The following GRID2 variants were observed in gnomAD, a reference collection of about 807,000 sequenced individuals.
GRID2 encodes glutamate ionotropic receptor delta type subunit 2.
Under a neutral mutation model 114.8 loss-of-function variants are expected in GRID2, and 33 were observed. The ratio of observed to expected loss-of-function variants is 0.29; its 90% CI spans 0.22 to 0.38. GRID2 has a LOEUF of 0.38. Ranked by LOEUF, GRID2 falls within the 10% of genes least tolerant of loss-of-function variation. The pLI is 1.00. For missense variants in GRID2, 1,184 were observed against 1,257.7 expected (o/e 0.94, Z 0.89); for synonymous variants, 505 against 449.9 (o/e 1.12, Z -1.55).
chr4:92,915,450 T>A (rs1207956047), intron 2 of GRID2, among the ~76,000 whole-genome samples: 2 of 152,174 alleles, frequency 1.3e-5, no homozygotes, highest in Non-Finnish European at 2.9e-5. Context: ...GCTAGTGTAC[T>A]TATTTTGTGA....
At chr4:92,781,417 CTAAGA>C (rs907341867) in intron 2 of GRID2, among the ~76,000 whole-genome samples, 27 of 152,026 alleles carry the variant, frequency 1.8e-4, no homozygotes, top group African/African-American at 6.3e-4. Context: ...GAATCAGTAA[CTAAGA>C]TAAGTTTATA....
intron 1 of GRID2, among the ~76,000 whole-genome samples, chr4:92,526,993 T>G (rs1369893937): frequency 6.6e-6 from 1 of 152,078 alleles, no homozygotes; most frequent in African/African-American, 2.4e-5. Context: ...AGATCTCTAT[T>G]TTTAAATTGG....
chr4:93,226,539 C>T (rs995045696), intron 7 of GRID2, among the ~76,000 whole-genome samples: 25 of 152,164 alleles, frequency 1.6e-4, no homozygotes, highest in Admixed American at 8.5e-4. Context: ...GGATTGGGCC[C>T]GCAAGGCCTC....
chr4:93,475,694 G>C (rs927562015), intron 11 of GRID2, among the ~76,000 whole-genome samples: 6 of 152,054 alleles, frequency 3.9e-5, no homozygotes, highest in Admixed American at 3.3e-4. Flanking sequence ...ATTTCACTTT[G>C]ATTCCTGTTG....
chr4:93,435,086 CACTT>C (rs142164829), intron 10 of GRID2, among the ~76,000 whole-genome samples: 13,734 of 152,024 alleles, frequency 0.09, 1,567 homozygotes, highest in African/African-American at 0.27. Flanking sequence ...TTTTTTATAA[CACTT>C]ACAATTATTT....
At chr4:93,584,130 A>G (rs2149599523) in intron 13 of GRID2, among the ~76,000 whole-genome samples, 1 of 152,302 alleles carries the variant, frequency 6.6e-6, no homozygotes, top group African/African-American at 2.4e-5. Context: ...TATATCTAGA[A>G]GTTCCTTGAC....
chr4:92,982,659 C>T (rs1033435156), intron 2 of GRID2, among the ~76,000 whole-genome samples: 1 of 152,024 alleles, frequency 6.6e-6, no homozygotes, highest in Non-Finnish European at 1.5e-5. Context: ...ATTCTTTACT[C>T]ATTTGATTCC....
chr4:93,299,620 C>T (rs1266243077), intron 8 of GRID2, among the ~76,000 whole-genome samples: 5 of 151,190 alleles, frequency 3.3e-5, no homozygotes, highest in African/African-American at 7.3e-5. Context: ...TTGATGGGTG[C>T]GGCACACCAA....
At chr4:93,619,255 A>T (rs1741991472) in intron 13 of GRID2, among the ~76,000 whole-genome samples, 1 of 152,216 alleles carries the variant, frequency 6.6e-6, no homozygotes, top group African/African-American at 2.4e-5. Flanking sequence ...ATCATGATTT[A>T]TTGTGCTGTA....
intron 13 of GRID2, among the ~76,000 whole-genome samples, chr4:93,561,387 G>A (rs1395558146): frequency 1.3e-4 from 19 of 151,994 alleles, no homozygotes; most frequent in Admixed American, 1.1e-3. Context: ...TTAATTCTCA[G>A]GGTAGTTTTA....
intron 2 of GRID2, among the ~76,000 whole-genome samples, chr4:92,904,493 A>T (rs1243066414): frequency 1.3e-5 from 2 of 151,884 alleles, no homozygotes; most frequent in African/African-American, 4.8e-5. Flanking sequence ...TTTTATTGCC[A>T]CAAAAGAGTA....
chr4:93,176,634 G>T (rs921796285), intron 4 of GRID2, among the ~76,000 whole-genome samples: 2 of 152,094 alleles, frequency 1.3e-5, no homozygotes, highest in African/African-American at 4.8e-5. Context: ...TATTATGATG[G>T]TAAAATTTTC....
intron 1 of GRID2, among the ~76,000 whole-genome samples, chr4:92,365,538 G>A (rs1164509130): frequency 6.6e-6 from 1 of 151,808 alleles, no homozygotes; most frequent in Non-Finnish European, 1.5e-5. Context: ...CTGGTCTAAG[G>A]TAATATGTCT....
chr4:93,134,962 G>A (rs1290025652), intron 4 of GRID2, among the ~76,000 whole-genome samples: 3 of 152,004 alleles, frequency 2.0e-5, no homozygotes, highest in Non-Finnish European at 4.4e-5. Context: ...GAAAATAAAA[G>A]CTAATTCAGC....
rs1218160581 is a variant in GRID2, at chr4:92,600,035, T to TATATAA, written c.244+9749_244+9750insATATAA. On this transcript the variant is annotated intron_variant, in intron 2 of 15. Coordinates refer to ENST00000282020, the MANE Select transcript of GRID2 (RefSeq NM_001510.4). The stretch of plus-strand genomic sequence containing the variant: ...GCAATACTTCATGTATGTGTGTGTG[T>TATATAA]GTGTGTGTGTATATATATATATATA... 3.3e-3 allele frequency among the ~76,000 whole-genome samples: 250 copies of TATATAA among 75,882 alleles called. 1 individual carries two copies. The highest frequency in any genetic ancestry group is 8.8e-3 in the South Asian group (18 of 2,046). 49.8% of individuals were successfully genotyped at this position (75,882 alleles called of 152,430 possible).
chr4:93,132,816 G>A (rs1338578185), intron 4 of GRID2, among the ~76,000 whole-genome samples: 1 of 152,134 alleles, frequency 6.6e-6, no homozygotes, highest in Admixed American at 6.5e-5. Flanking sequence ...CTTCGAAATA[G>A]CTCAATCAGT....
intron 2 of GRID2, among the ~76,000 whole-genome samples, chr4:92,910,568 G>A (rs1368600194): frequency 3.3e-5 from 5 of 152,174 alleles, no homozygotes; most frequent in Admixed American, 3.3e-4. Context: ...CTGAGGCTTT[G>A]TCAAGGGAGG....
chr4:93,449,149 T>C (rs942784400), intron 10 of GRID2, among the ~76,000 whole-genome samples: 8 of 151,842 alleles, frequency 5.3e-5, no homozygotes, highest in African/African-American at 1.9e-4. Context: ...TATCAAGAAA[T>C]TTCAAATATT....
intron 2 of GRID2, among the ~76,000 whole-genome samples, chr4:92,632,090 A>G (rs1053259672): frequency 1.3e-5 from 2 of 152,160 alleles, no homozygotes; most frequent in Admixed American, 6.6e-5. Flanking sequence ...CAAACACTTC[A>G]TGTATTCACT....
Sources: allele counts gnomAD v4.1 joint callset (sites outside exome capture counted in the v4.1 genomes callset), GRCh38; gene constraint gnomAD v4.1.1; transcripts MANE v1.5; gene names NCBI Gene and HGNC (gene_info 2026-07-23, HGNC 2026-07-21).